Variants in NLRP7 observed in about 807,000 individuals in gnomAD.
The protein encoded by NLRP7 is NLR family pyrin domain containing 7.
In NLRP7, 72 loss-of-function variants were observed where a neutral mutation model predicts 85.5. That is an observed-to-expected ratio of 0.84 (90% CI 0.70 to 1.02). The LOEUF (loss-of-function observed/expected upper bound fraction) is 1.02. Among genes scored for constraint, NLRP7 ranks in the 50% least tolerant of loss-of-function variants. The probability of loss-of-function intolerance (pLI) is 0.00; values close to 1 mark genes in which losing one functional copy is unlikely to be tolerated. For synonymous variants in NLRP7, 550 were observed against 505.2 expected (o/e 1.09, Z -1.19); for missense variants, 1,243 against 1,219.5 (o/e 1.02, Z -0.29).
In NLRP7 at chr19:54,934,716, C is replaced by CTTT; in HGVS notation, c.2301-60_2301-58dup. 1.1e-5 allele frequency: 12 copies of CTTT among 1,129,228 alleles called. No individual in the cohort carries two copies. The highest frequency in any genetic ancestry group is 1.7e-5 in the South Asian group (1 of 57,776). 70.0% of individuals were successfully genotyped at this position (1,129,228 alleles called of 1,614,324 possible). On this transcript the variant is annotated intron_variant, in intron 6 of 9. Transcript: ENST00000340844. The surrounding 1 kb of genome is among the most constrained non-coding windows in gnomAD (Gnocchi z 6.7). ...GGGAGGACAGAGTATACCCTATCAG[C>CTTT]TTTTTTTTTTTGAGACAGAGTTTCA... is the stretch of plus-strand genomic sequence containing the variant.
intron 1 of NLRP7, among the ~76,000 whole-genome samples, chr19:54,954,662 T>C (rs1013235133): frequency 6.6e-6 from 1 of 150,804 alleles, no homozygotes; most frequent in Admixed American, 6.6e-5. Flanking sequence ...CTGGCCAACA[T>C]GGTGAAACCC....
chr19:54,940,210 C>A, exon 4 of NLRP7: 1 of 1,614,178 alleles, frequency 6.2e-7, no homozygotes. Context: ...CGTATCTGAG[C>A]GTCGGGCTGA....
chr19:54,936,327 T>A, exon 6 of NLRP7: 1 of 1,613,968 alleles, frequency 6.2e-7, no homozygotes, highest in South Asian at 1.1e-5. Context: ...CATCGTGCGT[T>A]CCCACTCGAT....
chr19:54,940,322 G>A lies in NLRP7; in HGVS notation c.497C>T (p.Pro166Leu), dbSNP rs767978354. The change falls in exon 4 of 10, where the codon CCC (proline) becomes CTC (leucine). Residue 166 changes from proline (P) to leucine (L), a missense_variant. Pro to Leu is a moderately conservative substitution (Grantham distance 98). Around this residue, in one of 3 missense-constraint regions of NLRP7, gnomAD observed 591 missense variants for 563.3 expected, o/e 1.05. Transcript: ENST00000340844. ...CACCGTGTAAGGTGTTAGCTTCCTG[G>A]GTGTTCTGGGATTCAAGAATGGAAT... 6.2e-6 allele frequency: 10 copies of A among 1,614,052 alleles called. No individual in the cohort carries two copies. Among genetic ancestry groups the A allele is most frequent in the Non-Finnish European group, 8.5e-6 (10 of 1,180,028 alleles).
chr19:54,958,115 T>A lies in NLRP7; in HGVS notation c.-77+7925A>T, dbSNP rs184826360. Among the ~76,000 whole-genome samples the A allele has an allele frequency of 1.2e-4, 19 of 152,030 alleles. No homozygotes were observed. In the East Asian group the frequency reaches 1.9e-3, roughly 16 times the overall value. ...CTGTAATCCCAGCTACTTGGAAGGC[T>A]AGGGCAGGAGAATCGCTTGGTTTGG... is the stretch of plus-strand genomic sequence containing the variant. On this transcript the variant is annotated intron_variant, in intron 1 of 2. Transcript: ENST00000587103.
At position 54,961,176 on chromosome 19, in the gene NLRP7, C is replaced by T. The variant is rs1054947513; in HGVS notation, c.-77+4864G>A. Among the ~76,000 whole-genome samples the T allele has an allele frequency of 7.9e-5, 12 of 151,962 alleles. No homozygotes were observed. The South Asian group carries it at 2.1e-3, about 26-fold the overall frequency. ...GCCATGGAGCCCAGGAGTTCAAGAC[C>T]GGCCCGGTGTACAAAGTGAGACCCA... On this transcript the variant is annotated intron_variant, in intron 1 of 2. Transcript: ENST00000587103.
At chr19:54,945,036 A>G (rs1272881411) in intron 1 of NLRP7, among the ~76,000 whole-genome samples, 1 of 151,674 alleles carries the variant, frequency 6.6e-6, no homozygotes, top group Non-Finnish European at 1.5e-5. Context: ...TGAGGAGCTC[A>G]AGACCATCCT....
At chr19:54,951,611 A>T (rs566796943), upstream of NLRP7, among the ~76,000 whole-genome samples, 1 of 152,128 alleles carries the variant, frequency 6.6e-6, no homozygotes, top group Non-Finnish European at 1.5e-5. Context: ...TTTAGTAAAA[A>T]AAATAAAAAT....
Position 54,956,835 on chromosome 19 carries a change from G to C in NLRP7, c.-77+9205C>G, listed in dbSNP as rs1340026807. Reference sequence around the variant, plus strand: ...AGTAGAAACGGGGTTTCACCATGTTGGCCAGGCTTGTCTCGAACTCCTGTC... The same window carrying C: ...AGTAGAAACGGGGTTTCACCATGTTCGCCAGGCTTGTCTCGAACTCCTGTC... On this transcript the variant is annotated intron_variant, in intron 1 of 2. Transcript: ENST00000587103. Among the ~76,000 whole-genome samples the C allele has an allele frequency of 2.6e-5, 4 of 151,332 alleles. No homozygotes were observed. The East Asian group carries it at 7.9e-4, about 30-fold the overall frequency.
chr19:54,952,476 C>T (rs892929957), upstream of NLRP7, among the ~76,000 whole-genome samples: 2 of 151,926 alleles, frequency 1.3e-5, no homozygotes, highest in Non-Finnish European at 2.9e-5. Context: ...TGCCTGTAAC[C>T]CCAGCTACTC....
Position 54,927,977 on chromosome 19 carries a change from C to G in NLRP7, c.2810+2522G>C, listed in dbSNP as rs901562671. On this transcript the variant is annotated intron_variant, in intron 9 of 9. Coordinates refer to ENST00000340844, the Ensembl canonical transcript of NLRP7. ...GCGTGGGGACAGACACCTGTAGCCC[C>G]AGCACCTTGGGAGGCCGAGGAGGGT... 3.0e-4 allele frequency among the ~76,000 whole-genome samples: 45 copies of G among 152,178 alleles called. 1 individual carries two copies. Among genetic ancestry groups the G allele is most frequent in the African/African-American group, 9.9e-4 (41 of 41,456 alleles).
At chr19:54,951,753 A>AT (rs879475433), upstream of NLRP7, among the ~76,000 whole-genome samples, 1,185 of 143,510 alleles carry the variant, frequency 8.3e-3, 8 homozygotes, top group African/African-American at 0.012. Flanking sequence ...CATTAGACGA[A>AT]TTTTTTTTTT....
intron 1 of NLRP7, among the ~76,000 whole-genome samples, chr19:54,946,098 G>T (rs2069459370): frequency 6.9e-6 from 1 of 144,172 alleles, no homozygotes; most frequent in Non-Finnish European, 1.5e-5. Context: ...GCCGAGACAG[G>T]GTTTCTCTAT....
chr19:54,934,518 T>C lies in NLRP7; in HGVS notation c.2442A>G (p.Thr814=). The C allele has an allele frequency of 6.2e-7, 1 of 1,614,110 alleles. No individual in the cohort carries two copies. The highest frequency in any genetic ancestry group is 8.5e-7 in the Non-Finnish European group (1 of 1,180,014). The change falls in exon 7 of 10, where the codon ACA becomes ACG. Residue 814 remains threonine, a synonymous_variant. Transcript: ENST00000340844. The surrounding 1 kb of genome is among the most constrained non-coding windows in gnomAD (Gnocchi z 6.7). ...ACATCTGCAGGAAGTGTTTTGGGCGTGTCATGGTCTTGTACAGCAACATGG... is the reference window on the plus strand; with the variant it reads ...ACATCTGCAGGAAGTGTTTTGGGCGCGTCATGGTCTTGTACAGCAACATGG...
intron 9 of NLRP7, among the ~76,000 whole-genome samples, chr19:54,924,965 A>G (rs371260260): frequency 1.6e-4 from 24 of 152,082 alleles, no homozygotes; most frequent in East Asian, 1.3e-3. Context: ...ATAGTGGCAA[A>G]TCAAACCTTC....
chr19:54,958,450 G>A (rs2069928515), intron 1 of NLRP7, among the ~76,000 whole-genome samples: 1 of 150,510 alleles, frequency 6.6e-6, no homozygotes, highest in South Asian at 2.1e-4. Context: ...GACCAGCCTG[G>A]CCAACATGGT....
chr19:54,936,432 C>A lies in NLRP7; in HGVS notation c.2130-1G>T. ...GGTGTCAGGGGTGACGTTTTTAATC[C>A]TAGGGAAAAGCAGAAGAGATTCCAC... is the stretch of plus-strand genomic sequence containing the variant. On this transcript the variant is annotated splice_acceptor_variant, in intron 5 of 9. Transcript: ENST00000340844. LOFTEE classifies it high-confidence loss of function. 1 of 1,613,622 alleles carries A rather than the reference C, an allele frequency of 6.2e-7. No homozygotes were observed. The highest frequency in any genetic ancestry group is 8.5e-7 in the Non-Finnish European group (1 of 1,179,562).
In NLRP7 at chr19:54,923,771, G is replaced by A. The variant is rs144955489; in HGVS notation, c.2912C>T (p.Thr971Met). ...AAAAAAGTCACAGCACGGAGGTGCCGTTGCCCCGGAAGCATTGCAATCAAT... is the reference window on the plus strand; with the variant it reads ...AAAAAAGTCACAGCACGGAGGTGCCATTGCCCCGGAAGCATTGCAATCAAT... The change falls in exon 10 of 10, where the codon ACG becomes ATG. Residue 971 changes from threonine to methionine, a missense_variant. Thr to Met is a moderately conservative substitution (Grantham distance 81). Transcript: ENST00000340844. 337 of 1,613,678 alleles carry A rather than the reference G, an allele frequency of 2.1e-4. No homozygotes were observed. Among genetic ancestry groups the A allele is most frequent in the Non-Finnish European group, 2.4e-4 (281 of 1,179,998 alleles).
At chr19:54,947,641 A>G (rs1173481591), upstream of NLRP7, 1 of 1,289,206 alleles carries the variant, frequency 7.8e-7, no homozygotes, top group Non-Finnish European at 1.0e-6. Flanking sequence ...CCTCAGGCTC[A>G]CCTTGACATC....
Sources: gnomAD v4.1 joint callset for allele counts (sites outside exome capture counted in the v4.1 genomes callset) on GRCh38, gnomAD v4.1.1 for gene constraint, gnomAD v4.1.1 regional missense constraint, Gnocchi (gnomAD v3.1) non-coding constraint, MANE v1.5 for transcripts, NCBI Gene and HGNC (gene_info 2026-07-23, HGNC 2026-07-21) for gene names.